The following SAMD5 variants were observed in gnomAD, a reference collection of about 807,000 sequenced individuals.
SAMD5 encodes the protein sterile alpha motif domain-containing protein 5.
In SAMD5, 13 loss-of-function variants were observed where a neutral mutation model predicts 11.3. The ratio of observed to expected loss-of-function variants is 1.15; its 90% confidence interval spans 0.75 to 1.83. The LOEUF is 1.83. Ranked by LOEUF, SAMD5 falls within the 40% of genes most tolerant of loss-of-function variation. The probability of loss-of-function intolerance (pLI) is 0.00; values close to 1 mark genes in which losing one functional copy is unlikely to be tolerated. For missense variants in SAMD5, 255 were observed against 239.1 expected (o/e 1.07, Z -0.44); for synonymous variants, 129 against 111.3 (o/e 1.16, Z -1.00).
the SAMD5 span, among the ~76,000 whole-genome samples, chr6:147,831,944 T>C: frequency 6.6e-6 from 1 of 152,320 alleles, no homozygotes; most frequent in African/African-American, 2.4e-5. Context: ...TTTATTAAAA[T>C]CTAAAAGAAA....
the SAMD5 span, among the ~76,000 whole-genome samples, chr6:147,951,272 T>C: frequency 3.8e-4 from 58 of 151,636 alleles, no homozygotes; most frequent in African/African-American, 1.3e-3. Flanking sequence ...AGCTCCGCCT[T>C]CCGGGTTCAC....
rs186875196 is a variant in SAMD5, at chr6:147,511,452, T to C, written c.459+2065T>C. ...CAATACTATTTACTTTCCATGTAAA[T>C]AATTACTTCAGTCAACTTTGCTTTA... On this transcript the variant is annotated intron_variant, in intron 1 of 1. Transcript: ENST00000367474. Among the ~76,000 whole-genome samples the C allele has an allele frequency of 1.1e-4, 17 of 152,352 alleles. No individual in the cohort carries two copies. The East Asian group carries it at 3.3e-3, about 29-fold the overall frequency.
intron 1 of SAMD5, among the ~76,000 whole-genome samples, chr6:147,667,506 G>C (rs1269996204): frequency 6.6e-6 from 1 of 152,188 alleles, no homozygotes; most frequent in Non-Finnish European, 1.5e-5. Context: ...GCCAAGGGCA[G>C]AACAGATTCT....
chr6:147,917,586 C>T, the SAMD5 span, among the ~76,000 whole-genome samples: 1 of 152,002 alleles, frequency 6.6e-6, no homozygotes, highest in African/African-American at 2.4e-5. Context: ...TCAATTTTGT[C>T]TTTTGTTGCC....
chr6:147,637,457 A>G (rs552025803), intron 1 of SAMD5, among the ~76,000 whole-genome samples: 1 of 152,302 alleles, frequency 6.6e-6, no homozygotes, highest in East Asian at 1.9e-4. Flanking sequence ...ATGGAATGAA[A>G]TACCTTCTAT....
the SAMD5 span, among the ~76,000 whole-genome samples, chr6:147,935,633 A>T: frequency 2.6e-5 from 4 of 152,220 alleles, no homozygotes; most frequent in African/African-American, 4.8e-5. Flanking sequence ...GAATGCACGT[A>T]AAACCATTCT....
At chr6:147,769,471 C>T in the SAMD5 span, among the ~76,000 whole-genome samples, 3 of 152,164 alleles carry the variant, frequency 2.0e-5, no homozygotes, top group Non-Finnish European at 4.4e-5. Flanking sequence ...ACACATCAAA[C>T]AACTTCCTTA....
At chr6:147,742,828 A>T in the SAMD5 span, among the ~76,000 whole-genome samples, 2 of 152,226 alleles carry the variant, frequency 1.3e-5, no homozygotes, top group Non-Finnish European at 2.9e-5. Flanking sequence ...TTAACTTCTT[A>T]TTTATTATTT....
At chr6:147,938,492 A>C in the SAMD5 span, among the ~76,000 whole-genome samples, 1 of 152,358 alleles carries the variant, frequency 6.6e-6, no homozygotes, top group African/African-American at 2.4e-5. Context: ...ATAAGCAGAC[A>C]ATTGCCATGT....
At chr6:147,909,880 A>C in the SAMD5 span, among the ~76,000 whole-genome samples, 1 of 151,966 alleles carries the variant, frequency 6.6e-6, no homozygotes, top group Non-Finnish European at 1.5e-5. Context: ...CTACGGTGAC[A>C]AGGCCGGTTC....
At chr6:147,678,196 C>G (rs1408272729) in intron 1 of SAMD5, among the ~76,000 whole-genome samples, 1 of 152,180 alleles carries the variant, frequency 6.6e-6, no homozygotes, top group African/African-American at 2.4e-5. Context: ...AGCACACGTA[C>G]TCACTTATAT....
chr6:147,793,910 A>G, the SAMD5 span, among the ~76,000 whole-genome samples: 2 of 152,144 alleles, frequency 1.3e-5, no homozygotes, highest in Admixed American at 1.3e-4. Flanking sequence ...GCCTTTCCAT[A>G]TAAATTTTAG....
the SAMD5 span, among the ~76,000 whole-genome samples, chr6:147,837,725 T>G: frequency 6.6e-6 from 1 of 152,198 alleles, no homozygotes; most frequent in Non-Finnish European, 1.5e-5. Flanking sequence ...CTCTTGTGTT[T>G]TGATGAGGAC....
chr6:147,659,827 T>C (rs1392029269), intron 1 of SAMD5, among the ~76,000 whole-genome samples: 2 of 152,094 alleles, frequency 1.3e-5, no homozygotes, highest in Non-Finnish European at 2.9e-5. Context: ...TCATAACTTG[T>C]AGTAGCTGGA....
the SAMD5 span, among the ~76,000 whole-genome samples, chr6:147,807,059 G>A: frequency 2.6e-5 from 4 of 151,980 alleles, no homozygotes; most frequent in Admixed American, 2.0e-4. Flanking sequence ...CTCCAGAACT[G>A]TAAGAAATAA....
intron 1 of SAMD5, among the ~76,000 whole-genome samples, chr6:147,677,129 A>C (rs751800941): frequency 1.3e-5 from 2 of 152,150 alleles, no homozygotes; most frequent in Non-Finnish European, 2.9e-5. Context: ...AGGGTGACTG[A>C]GGAATGCGGT....
the SAMD5 span, among the ~76,000 whole-genome samples, chr6:147,791,097 C>G: frequency 6.6e-6 from 1 of 151,842 alleles, no homozygotes; most frequent in East Asian, 1.9e-4. Flanking sequence ...GAGTTCGAGA[C>G]CAGCCTGGCC....
the SAMD5 span, among the ~76,000 whole-genome samples, chr6:147,880,554 A>G: frequency 1.1e-3 from 166 of 152,348 alleles, no homozygotes; most frequent in South Asian, 2.7e-3. Context: ...AGCTTAGTAG[A>G]AAGAATTGCT....
chr6:147,905,445 T>C, the SAMD5 span, among the ~76,000 whole-genome samples: 1 of 152,200 alleles, frequency 6.6e-6, no homozygotes, highest in Non-Finnish European at 1.5e-5. Context: ...CCTCCCAAAG[T>C]GCTAGGATTA....
Sources: gnomAD v4.1 joint callset for allele counts (sites outside exome capture counted in the v4.1 genomes callset) on GRCh38, gnomAD v4.1.1 for gene constraint, MANE v1.5 for transcripts, NCBI Gene and HGNC (gene_info 2026-07-23, HGNC 2026-07-21) for gene names.